Variants in SPATS2L observed in about 807,000 individuals in gnomAD.
The protein encoded by SPATS2L is SPATS2-like protein.
Under a neutral mutation model 59.6 loss-of-function variants are expected in SPATS2L, and 30 were observed. The observed-to-expected ratio is 0.50, with a 90% confidence interval of 0.38 to 0.68. SPATS2L has a LOEUF of 0.68. Ranked by LOEUF, SPATS2L falls within the 30% of genes least tolerant of loss-of-function variation. The probability of loss-of-function intolerance (pLI) is 0.00; values close to 1 mark genes in which losing one functional copy is unlikely to be tolerated. For synonymous variants in SPATS2L, 252 were observed against 263.5 expected (o/e 0.96, Z 0.42); for missense variants, 615 against 700.0 (o/e 0.88, Z 1.37).
At chr2:200,345,856 A>T (rs2080495197) in intron 2 of SPATS2L, among the ~76,000 whole-genome samples, 2 of 152,204 alleles carry the variant, frequency 1.3e-5, no homozygotes, top group South Asian at 4.1e-4. Flanking sequence ...AGGGTTACAT[A>T]GCTGAGAGCT....
intron 6 of SPATS2L, among the ~76,000 whole-genome samples, chr2:200,438,602 A>G (rs964069505): frequency 1.3e-5 from 2 of 152,182 alleles, no homozygotes; most frequent in African/African-American, 4.8e-5. Context: ...ATTAGATGCA[A>G]TGATTATAGT....
intron 2 of SPATS2L, among the ~76,000 whole-genome samples, chr2:200,361,246 A>G (rs1013811826): frequency 4.6e-5 from 7 of 152,198 alleles, no homozygotes; most frequent in African/African-American, 1.2e-4. Flanking sequence ...ATTGCTTCTC[A>G]TGTAAGCACA....
chr2:200,465,435 C>G (rs1206444259), intron 9 of SPATS2L, among the ~76,000 whole-genome samples: 3 of 152,218 alleles, frequency 2.0e-5, no homozygotes, highest in Non-Finnish European at 2.9e-5. Context: ...AGTGAGCCAC[C>G]TTTTTGTGAC....
chr2:200,420,191 C>G (rs2083251419), intron 6 of SPATS2L, among the ~76,000 whole-genome samples: 1 of 151,920 alleles, frequency 6.6e-6, no homozygotes, highest in Non-Finnish European at 1.5e-5. Flanking sequence ...CTCTAGGGTC[C>G]CATTTCCTTT....
At chr2:200,453,410 T>C (rs887421899) in intron 8 of SPATS2L, among the ~76,000 whole-genome samples, 3 of 152,220 alleles carry the variant, frequency 2.0e-5, no homozygotes, top group African/African-American at 7.2e-5. Context: ...ATTGAGAAAT[T>C]GCAATTGAGA....
rs2087733448 is a variant in SPATS2L at position 200,479,724 on chromosome 2, A to AT, written c.*1699dup. The stretch of plus-strand genomic sequence containing the variant: ...TGCTTATTCTCAACTCAACATTAAC[A>AT]TTTTTTCTGGCAACCCAGGTTCACT... On this transcript the variant is annotated 3_prime_UTR_variant, in exon 13 of 13. Coordinates refer to ENST00000409140, the MANE Select transcript of SPATS2L (RefSeq NM_001100423.2). 5.0e-6 allele frequency: 2 copies of AT among 398,342 alleles called. No individual in the cohort carries two copies. The highest frequency in any genetic ancestry group is 2.5e-4 in the South Asian group (2 of 7,854). The allele number at this position is 398,342 out of a possible 1,614,324, so 24.7% of individuals were successfully genotyped here. A position where few individuals can be genotyped will look rare whatever the true frequency, so the allele number is the denominator to read the frequency against.
At chr2:200,450,507 C>G (rs2085364745) in intron 8 of SPATS2L, among the ~76,000 whole-genome samples, 1 of 152,218 alleles carries the variant, frequency 6.6e-6, no homozygotes, top group African/African-American at 2.4e-5. Flanking sequence ...CCTTTCTTGT[C>G]TTGCCATGCC....
At chr2:200,391,006 C>A (rs2082156833) in intron 3 of SPATS2L, 1 of 151,900 alleles carries the variant, frequency 6.6e-6, no homozygotes, top group Admixed American at 6.6e-5. Flanking sequence ...ACTAAAAATA[C>A]AAAATTATCT....
intron 2 of SPATS2L, among the ~76,000 whole-genome samples, chr2:200,388,153 A>G (rs1262120272): frequency 6.6e-6 from 1 of 152,186 alleles, no homozygotes; most frequent in Non-Finnish European, 1.5e-5. Context: ...TGCTCATGAT[A>G]TGTTGGTAAG....
At chr2:200,425,020 T>G (rs1235417084) in intron 6 of SPATS2L, among the ~76,000 whole-genome samples, 1 of 152,048 alleles carries the variant, frequency 6.6e-6, no homozygotes, top group African/African-American at 2.4e-5. Context: ...GCAATGCAGA[T>G]TCTGTGCTTG....
At chr2:200,340,504 C>A (rs1046528265) in intron 2 of SPATS2L, among the ~76,000 whole-genome samples, 1 of 152,128 alleles carries the variant, frequency 6.6e-6, no homozygotes, top group Non-Finnish European at 1.5e-5. Context: ...TGAAATTGCT[C>A]TTTTCCACAG....
At chr2:200,332,012 G>T (rs932431287) in intron 2 of SPATS2L, among the ~76,000 whole-genome samples, 7 of 152,136 alleles carry the variant, frequency 4.6e-5, no homozygotes, top group South Asian at 2.1e-4. Context: ...GGCTTTCCAG[G>T]CTTGATCAGT....
chr2:200,462,590 G>A (rs1040975090), intron 9 of SPATS2L, among the ~76,000 whole-genome samples: 3 of 152,176 alleles, frequency 2.0e-5, no homozygotes, highest in Non-Finnish European at 4.4e-5. Context: ...CTGGCTGTGT[G>A]TCCCTGAACC....
chr2:200,354,532 CA>C (rs2080848045), intron 2 of SPATS2L, among the ~76,000 whole-genome samples: 1 of 152,022 alleles, frequency 6.6e-6, no homozygotes, highest in African/African-American at 2.4e-5. Flanking sequence ...CGCTTGAACC[CA>C]GGAGGTGGAG....
chr2:200,402,516 A>G (rs1225258715), intron 3 of SPATS2L, among the ~76,000 whole-genome samples: 1 of 151,962 alleles, frequency 6.6e-6, no homozygotes, highest in African/African-American at 2.4e-5. Context: ...TAGTGCTACT[A>G]ACCCATCATT....
intron 12 of SPATS2L, among the ~76,000 whole-genome samples, chr2:200,474,121 A>T (rs6728002): frequency 0.22 from 32,942 of 150,106 alleles, 4,541 homozygotes; most frequent in African/African-American, 0.38. Context: ...TTTTTGTAAG[A>T]CTTTAAAAAT....
chr2:200,376,356 A>T (rs1030186587), intron 2 of SPATS2L, among the ~76,000 whole-genome samples: 1 of 152,248 alleles, frequency 6.6e-6, no homozygotes, highest in African/African-American at 2.4e-5. Context: ...AGCATATAAT[A>T]AATGATCAAA....
chr2:200,421,063 C>T (rs146145895), intron 6 of SPATS2L, among the ~76,000 whole-genome samples: 502 of 152,224 alleles, frequency 3.3e-3, no homozygotes, highest in African/African-American at 0.012. Context: ...GTTTTAAACT[C>T]CCGTTATATT....
At chr2:200,390,672 G>A (rs1266398790) in intron 3 of SPATS2L, 1 of 152,332 alleles carries the variant, frequency 6.6e-6, no homozygotes, top group African/African-American at 2.4e-5. Context: ...GATTGGTGAT[G>A]GGAGATGAAG....
Sources: allele counts gnomAD v4.1 joint callset (sites outside exome capture counted in the v4.1 genomes callset), GRCh38; gene constraint gnomAD v4.1.1; transcripts MANE v1.5; gene names NCBI Gene and HGNC (gene_info 2026-07-23, HGNC 2026-07-21).